The following FAM110B variants were observed in gnomAD, a reference collection of about 807,000 sequenced individuals.
The protein encoded by FAM110B is family with sequence similarity 110 member B.
FAM110B carries 6 observed loss-of-function variants against 20.4 expected under a neutral mutation model. That is an observed-to-expected ratio of 0.29 (90% CI 0.16 to 0.58). The LOEUF (loss-of-function observed/expected upper bound fraction) is 0.58. Ranked by LOEUF, FAM110B falls within the 20% of genes least tolerant of loss-of-function variation. The pLI, the probability that FAM110B is intolerant of heterozygous loss-of-function variation, is 0.90. For missense variants in FAM110B, 434 were observed against 498.2 expected, an observed-to-expected ratio of 0.87 and a Z score of 1.23; for synonymous variants, 226 against 214.1, an observed-to-expected ratio of 1.06 and a Z score of -0.49.
chr8:58,022,010 G>T (rs1445877743), intron 1 of FAM110B, among the ~76,000 whole-genome samples: 1 of 152,174 alleles, frequency 6.6e-6, no homozygotes, highest in African/African-American at 2.4e-5. Context: ...GGGTGCACAA[G>T]TAAGAAGGGA....
rs984629249 is a variant in FAM110B at position 58,065,781 on chromosome 8, A to T, written c.-413-9754A>T. Among the ~76,000 whole-genome samples, 5 of 152,240 alleles carry T rather than the reference A, an allele frequency of 3.3e-5. No homozygotes were observed. The East Asian group carries it at 9.6e-4, about 29-fold the overall frequency. The stretch of plus-strand genomic sequence containing the variant: ...TTTCCGTATCTGTAAGTGGGAAGGT[A>T]AGAATACCTACCCAACAGCATTTTG... On this transcript the variant is annotated intron_variant, in intron 2 of 3. Coordinates refer to ENST00000519262, the MANE Select transcript of FAM110B (RefSeq NM_001377989.1).
intron 3 of FAM110B, among the ~76,000 whole-genome samples, chr8:58,098,189 T>C (rs1425442052): frequency 6.6e-6 from 1 of 152,244 alleles, no homozygotes; most frequent in African/African-American, 2.4e-5. Flanking sequence ...ATGGGAGTTT[T>C]ATCTGTAAGC....
rs1278530076 is a variant in FAM110B at position 58,146,664 on chromosome 8, C to T, written c.434C>T (p.Pro145Leu). ...CACAAGCACAGCTCCCGCAACTGGC[C>T]GCCCCACCGGTCGGAAGCCACTGAC... is the stretch of plus-strand genomic sequence containing the variant. ...SGHKHSSRNW[P>L]PHRSEATDLH... The change falls in exon 4 of 4, where the codon CCG becomes CTG. Residue 145 changes from proline (P) to leucine (L), a missense_variant. By Grantham distance (98) the Pro-to-Leu change is moderately conservative. Transcript: ENST00000519262. 5 of 1,612,728 alleles carry T rather than the reference C, an allele frequency of 3.1e-6. No individual in the cohort carries two copies. Among genetic ancestry groups the T allele is most frequent in the Non-Finnish European group, 2.5e-6 (3 of 1,179,486 alleles).
At chr8:58,075,062 A>C (rs1317083969) in intron 2 of FAM110B, among the ~76,000 whole-genome samples, 1 of 152,074 alleles carries the variant, frequency 6.6e-6, no homozygotes, top group Non-Finnish European at 1.5e-5. Flanking sequence ...ATTTTGGTGT[A>C]CTGACATGTT....
At chr8:58,071,929 T>A (rs1486872988) in intron 2 of FAM110B, among the ~76,000 whole-genome samples, 1 of 152,144 alleles carries the variant, frequency 6.6e-6, no homozygotes, top group Non-Finnish European at 1.5e-5. Flanking sequence ...TGCAGAAGGG[T>A]GCGTATCAGT....
At chr8:58,060,861 A>G (rs1010737015) in intron 2 of FAM110B, among the ~76,000 whole-genome samples, 3 of 152,124 alleles carry the variant, frequency 2.0e-5, no homozygotes, top group Non-Finnish European at 4.4e-5. Flanking sequence ...CAAGCATGAG[A>G]GCTCAAGCAT....
intron 2 of FAM110B, among the ~76,000 whole-genome samples, chr8:58,047,886 A>G (rs1485689708): frequency 6.6e-6 from 1 of 152,100 alleles, no homozygotes; most frequent in African/African-American, 2.4e-5. Context: ...GAATTTTGAA[A>G]AAAAAATTTT....
chr8:58,078,760 C>T (rs570120790), intron 3 of FAM110B, among the ~76,000 whole-genome samples: 34 of 151,968 alleles, frequency 2.2e-4, no homozygotes, highest in African/African-American at 7.7e-4. Context: ...CCATGTTAGC[C>T]AGGATGGTCT....
chr8:58,125,660 TA>T (rs1304644805), intron 3 of FAM110B, among the ~76,000 whole-genome samples: 1 of 152,228 alleles, frequency 6.6e-6, no homozygotes, highest in African/African-American at 2.4e-5. Flanking sequence ...TTCTCAATAT[TA>T]AAATATGACA....
chr8:58,092,933 G>A (rs575443428), intron 3 of FAM110B, among the ~76,000 whole-genome samples: 4 of 152,194 alleles, frequency 2.6e-5, no homozygotes, highest in Admixed American at 6.5e-5. Flanking sequence ...TTAAATGATC[G>A]CCATTCTAAC....
chr8:58,026,901 A>T (rs1804865765), intron 1 of FAM110B, among the ~76,000 whole-genome samples: 1 of 152,182 alleles, frequency 6.6e-6, no homozygotes, highest in Non-Finnish European at 1.5e-5. Flanking sequence ...TAGTATGGTG[A>T]TGAGGAGAGT....
intron 3 of FAM110B, among the ~76,000 whole-genome samples, chr8:58,085,242 G>A (rs1806303708): frequency 1.3e-5 from 2 of 152,190 alleles, no homozygotes; most frequent in South Asian, 4.1e-4. Flanking sequence ...GGCAGGCATG[G>A]TGGCCCACAC....
At chr8:58,041,424 G>C (rs993757635) in intron 2 of FAM110B, among the ~76,000 whole-genome samples, 2 of 152,184 alleles carry the variant, frequency 1.3e-5, no homozygotes, top group African/African-American at 4.8e-5. Context: ...ATCCAGTCAT[G>C]ACTATGTACC....
intron 1 of FAM110B, among the ~76,000 whole-genome samples, chr8:57,996,171 C>A (rs1051823750): frequency 6.6e-6 from 1 of 152,152 alleles, no homozygotes; most frequent in African/African-American, 2.4e-5. Context: ...CTGATAACAT[C>A]CCATTGGTTT....
chr8:58,146,100 C>A lies in FAM110B; in HGVS notation c.-131C>A. On this transcript the variant is annotated 5_prime_UTR_variant, in exon 4 of 4. Transcript: ENST00000519262. ...GCTGTGAGATGAGGCGCTGCTGCGG[C>A]CGCTGCTGCTGACACTCGCTCCCAG... The A allele has an allele frequency of 9.4e-7, 1 of 1,062,168 alleles. No individual in the cohort carries two copies. The highest frequency in any genetic ancestry group is 1.3e-6 in the Non-Finnish European group (1 of 750,418). 65.8% of individuals were successfully genotyped at this position (1,062,168 alleles called of 1,614,324 possible).
chr8:58,050,674 C>A (rs917065912), intron 2 of FAM110B, among the ~76,000 whole-genome samples: 1 of 152,180 alleles, frequency 6.6e-6, no homozygotes, highest in Non-Finnish European at 1.5e-5. Flanking sequence ...TCTTTGGATT[C>A]TTTTCTGTGA....
intron 3 of FAM110B, among the ~76,000 whole-genome samples, chr8:58,133,173 C>A (rs563673680): frequency 6.7e-6 from 1 of 150,304 alleles, no homozygotes; most frequent in East Asian, 1.9e-4. Flanking sequence ...TTATTATAAT[C>A]CTTAGAGAGC....
intron 3 of FAM110B, among the ~76,000 whole-genome samples, chr8:58,100,475 G>A (rs1806750910): frequency 6.6e-6 from 1 of 152,222 alleles, no homozygotes; most frequent in Non-Finnish European, 1.5e-5. Context: ...TCACAGCGCT[G>A]GAGACTGGAA....
chr8:58,010,680 G>A (rs1443521680), intron 1 of FAM110B, among the ~76,000 whole-genome samples: 1 of 152,192 alleles, frequency 6.6e-6, no homozygotes, highest in Non-Finnish European at 1.5e-5. Context: ...ACCATTAGAG[G>A]CACATGTGTG....
Sources: gnomAD v4.1 joint callset for allele counts (sites outside exome capture counted in the v4.1 genomes callset) on GRCh38, gnomAD v4.1.1 for gene constraint, MANE v1.5 for transcripts, NCBI Gene and HGNC (gene_info 2026-07-23, HGNC 2026-07-21) for gene names.